The following STPG2 variants were observed in gnomAD, a reference collection of about 807,000 sequenced individuals.
The protein encoded by STPG2 is sperm tail PG-rich repeat containing 2, also known as sperm-tail PG-rich repeat-containing protein 2.
STPG2 carries 56 observed loss-of-function variants against 54.2 expected under a neutral mutation model. That is an observed-to-expected ratio of 1.03 (90% CI 0.83 to 1.29). The LOEUF (loss-of-function observed/expected upper bound fraction) is 1.29. Among genes scored for constraint, STPG2 ranks in the 50% most tolerant of loss-of-function variants. STPG2 has a pLI of 0.00. For missense variants in STPG2, 596 were observed against 544.9 expected (o/e 1.09, Z -0.93); for synonymous variants, 200 against 181.8 (o/e 1.10, Z -0.81).
chr4:97,913,040 C>T (rs888686317), intron 8 of STPG2, among the ~76,000 whole-genome samples: 10 of 152,238 alleles, frequency 6.6e-5, no homozygotes, highest in African/African-American at 2.4e-4. Flanking sequence ...TGTCTATCTT[C>T]CAAGAATGCT....
chr4:97,705,507 G>T (rs1470065240), intron 10 of STPG2, among the ~76,000 whole-genome samples: 1 of 151,878 alleles, frequency 6.6e-6, no homozygotes, highest in African/African-American at 2.4e-5. Flanking sequence ...TGTATCTTTA[G>T]TCGAGACGGG....
At chr4:97,742,557 G>GTATA (rs1230964057) in intron 9 of STPG2, among the ~76,000 whole-genome samples, 3 of 115,804 alleles carry the variant, frequency 2.6e-5, no homozygotes, top group South Asian at 2.6e-4. Context: ...GTGTGTGTGT[G>GTATA]TGTGTGTGTC....
At chr4:97,744,159 G>A (rs960321173) in intron 9 of STPG2, among the ~76,000 whole-genome samples, 1 of 151,324 alleles carries the variant, frequency 6.6e-6, no homozygotes, top group Admixed American at 6.6e-5. Context: ...ACATATATAT[G>A]AGAATAATGA....
At chr4:97,726,356 A>G (rs1305508540) in intron 9 of STPG2, among the ~76,000 whole-genome samples, 1 of 151,896 alleles carries the variant, frequency 6.6e-6, no homozygotes, top group Non-Finnish European at 1.5e-5. Flanking sequence ...AGTTCTGTGG[A>G]TAGATGGTGG....
intron 5 of STPG2, among the ~76,000 whole-genome samples, chr4:98,061,540 A>G (rs1402472474): frequency 6.6e-6 from 1 of 152,184 alleles, no homozygotes; most frequent in Non-Finnish European, 1.5e-5. Context: ...TGGGAATTAC[A>G]GTTTAGCATT....
chr4:97,804,456 A>G (rs574153114), intron 9 of STPG2, among the ~76,000 whole-genome samples: 13 of 152,186 alleles, frequency 8.5e-5, no homozygotes, highest in African/African-American at 2.9e-4. Context: ...TTTTTTTTCT[A>G]TTTTAAAGTT....
At chr4:97,636,120 A>T (rs1441499102) in intron 10 of STPG2, among the ~76,000 whole-genome samples, 2 of 151,414 alleles carry the variant, frequency 1.3e-5, no homozygotes, top group East Asian at 1.9e-4. Context: ...ATGTAAAAGA[A>T]CAGACATTAT....
At chr4:97,616,608 T>C (rs934978695) in intron 10 of STPG2, among the ~76,000 whole-genome samples, 1 of 152,140 alleles carries the variant, frequency 6.6e-6, no homozygotes, top group Non-Finnish European at 1.5e-5. Context: ...TTCTACTCCA[T>C]TTATGCTGGA....
At chr4:97,736,734 A>G (rs1317756774) in intron 9 of STPG2, among the ~76,000 whole-genome samples, 1 of 152,218 alleles carries the variant, frequency 6.6e-6, no homozygotes, top group Non-Finnish European at 1.5e-5. Context: ...AGCCCACCAC[A>G]GCTCAAGGAG....
chr4:98,045,563 C>A (rs1225437334), intron 5 of STPG2, among the ~76,000 whole-genome samples: 1 of 152,072 alleles, frequency 6.6e-6, no homozygotes, highest in East Asian at 1.9e-4. Flanking sequence ...CTTTTATTTG[C>A]CTGAAAAAGT....
chr4:97,998,584 C>T (rs1735315053), intron 5 of STPG2, among the ~76,000 whole-genome samples: 1 of 152,134 alleles, frequency 6.6e-6, no homozygotes, highest in South Asian at 2.1e-4. Context: ...TGCTAAAGTA[C>T]CTAAAAGGCA....
At chr4:97,707,156 T>C (rs13142828) in intron 10 of STPG2, among the ~76,000 whole-genome samples, 89,474 of 151,906 alleles carry the variant, frequency 0.59, 26,660 homozygotes, top group South Asian at 0.68. Flanking sequence ...TGTAGAAATG[T>C]TGTTGGGGAA....
chr4:98,035,541 T>C (rs566946631), intron 5 of STPG2, among the ~76,000 whole-genome samples: 1 of 152,310 alleles, frequency 6.6e-6, no homozygotes, highest in Admixed American at 6.5e-5. Flanking sequence ...AGTATGGTGA[T>C]TCCTCAAGGA....
At chr4:97,805,712 T>C (rs1013294839) in intron 9 of STPG2, among the ~76,000 whole-genome samples, 3 of 152,084 alleles carry the variant, frequency 2.0e-5, no homozygotes, top group Non-Finnish European at 4.4e-5. Flanking sequence ...TCCCATTCTG[T>C]AGGCTGTTTA....
chr4:97,934,806 C>T (rs1045649732), intron 8 of STPG2, among the ~76,000 whole-genome samples: 1 of 151,844 alleles, frequency 6.6e-6, no homozygotes, highest in Non-Finnish European at 1.5e-5. Flanking sequence ...GGGATATTGG[C>T]CTGAAGTTTT....
chr4:98,038,137 G>T (rs1369313879), intron 5 of STPG2, among the ~76,000 whole-genome samples: 1 of 151,072 alleles, frequency 6.6e-6, no homozygotes, highest in Non-Finnish European at 1.5e-5. Context: ...AGCCTCCCAA[G>T]TACCTAGGAC....
chr4:97,459,440 G>GT (rs564314656), intron 4 of STPG2, among the ~76,000 whole-genome samples: 7,021 of 122,460 alleles, frequency 0.057, 278 homozygotes, highest in African/African-American at 0.11. Context: ...GTTTTTTTTT[G>GT]TTTTTTTTTT....
At chr4:97,751,795 G>C (rs573657287) in intron 9 of STPG2, among the ~76,000 whole-genome samples, 38 of 151,760 alleles carry the variant, frequency 2.5e-4, no homozygotes, top group African/African-American at 8.7e-4. Context: ...AGGAACTAAA[G>C]GAAAGGAAAG....
intron 10 of STPG2, among the ~76,000 whole-genome samples, chr4:97,570,643 G>A (rs932341889): frequency 6.6e-6 from 1 of 151,886 alleles, no homozygotes; most frequent in African/African-American, 2.4e-5. Context: ...GGAGTCTTAT[G>A]GAAATGGAGA....
Sources: allele counts gnomAD v4.1 joint callset (sites outside exome capture counted in the v4.1 genomes callset), GRCh38; gene constraint gnomAD v4.1.1; transcripts MANE v1.5; gene names NCBI Gene and HGNC (gene_info 2026-07-23, HGNC 2026-07-21).